Variants in ECT2 observed in about 807,000 individuals in gnomAD.
The protein encoded by ECT2 is protein ECT2.
Under a neutral mutation model 116.9 loss-of-function variants are expected in ECT2, and 61 were observed. That is an observed-to-expected ratio of 0.52 (90% CI 0.42 to 0.65). ECT2 has a LOEUF of 0.65. ECT2 is among the 30% of genes least tolerant of loss of function. The probability of loss-of-function intolerance (pLI) is 0.00; values close to 1 mark genes in which losing one functional copy is unlikely to be tolerated. For synonymous variants in ECT2, 358 were observed against 346.4 expected, an observed-to-expected ratio of 1.03 and a Z score of -0.37; for missense variants, 937 against 1,078.7, an observed-to-expected ratio of 0.87 and a Z score of 1.84.
intron 18 of ECT2, among the ~76,000 whole-genome samples, chr3:172,797,682 C>G (rs906532923): frequency 3.3e-5 from 5 of 152,120 alleles, no homozygotes; most frequent in Admixed American, 3.3e-4. Flanking sequence ...AAGGAACAAT[C>G]GTACTGCAGA....
chr3:172,783,642 T>G (rs1002268817), intron 15 of ECT2, among the ~76,000 whole-genome samples, 157 bp from the exon 16 acceptor site: 7 of 152,168 alleles, frequency 4.6e-5, no homozygotes, highest in Non-Finnish European at 7.4e-5. Context: ...TACTGAGAAA[T>G]TTATAAAATA....
Position 172,817,187 on chromosome 3 carries a change from A to C in ECT2, c.2655+350A>C, listed in dbSNP as rs75052594. 9.6e-3 allele frequency among the ~76,000 whole-genome samples: 1,460 copies of C among 152,246 alleles called. 8 individuals carry two copies. The highest frequency in any genetic ancestry group is 0.019 in the Admixed American group (294 of 15,272). ...TGTACACTAGCACTGAAGAATCAGC[A>C]TGGAAAGCATGATGCTAGGGGAGAG... On this transcript the variant is annotated intron_variant, in intron 24 of 24. Coordinates refer to ENST00000392692, the MANE Select transcript of ECT2 (RefSeq NM_001258315.2).
chr3:172,755,221 C>T, intron 2 of ECT2, 74 bp from the exon 3 acceptor site: 1 of 1,171,282 alleles, frequency 8.5e-7, no homozygotes, highest in Non-Finnish European at 1.2e-6. Flanking sequence ...TAGATATAGC[C>T]AAAAGAGCGA....
rs371634661 is a variant in ECT2, at chr3:172,781,474, T to C, written c.1549-689T>C. 3.5e-4 allele frequency among the ~76,000 whole-genome samples: 54 copies of C among 152,322 alleles called. No homozygotes were observed. The South Asian group carries it at 0.011, about 32-fold the overall frequency. ...TGTTGAAACTTTAGAGAGTCTTTAGTATAAGAGCTTGTTGATTGATGTCTA... is the reference window on the plus strand; with the variant it reads ...TGTTGAAACTTTAGAGAGTCTTTAGCATAAGAGCTTGTTGATTGATGTCTA... On this transcript the variant is annotated intron_variant, in intron 14 of 24. Transcript: ENST00000392692.
At chr3:172,820,066 T>C (rs1463592241) in intron 24 of ECT2, 82 bp from the exon 25 acceptor site, 7 of 925,394 alleles carry the variant, frequency 7.6e-6, no homozygotes, top group Middle Eastern at 4.5e-4. Flanking sequence ...AATGTAAAAA[T>C]AATAGGCATG....
chr3:172,823,494 C>A (rs1001808149), downstream of ECT2, among the ~76,000 whole-genome samples: 1 of 152,094 alleles, frequency 6.6e-6, no homozygotes, highest in Non-Finnish European at 1.5e-5. Context: ...TGTACTCTTA[C>A]GTATGTCTGT....
At chr3:172,763,319 C>T (rs538871455) in intron 11 of ECT2, among the ~76,000 whole-genome samples, 3 of 152,272 alleles carry the variant, frequency 2.0e-5, no homozygotes, top group South Asian at 2.1e-4. Context: ...TAGGTAGCCT[C>T]GCTCTGAGAG....
chr3:172,754,786 G>A (rs1390677228), intron 2 of ECT2, 126 bp downstream of exon 2: 1 of 697,800 alleles, frequency 1.4e-6, no homozygotes, highest in Non-Finnish European at 2.3e-6. Flanking sequence ...GTAAATATTT[G>A]TTTACAGAAT....
At chr3:172,796,603 T>C (rs1297314429) in intron 18 of ECT2, 2 of 152,220 alleles carry the variant, frequency 1.3e-5, no homozygotes, top group Non-Finnish European at 2.9e-5. Context: ...CTTCCTGATA[T>C]CTGTTTAATT....
chr3:172,823,854 ATAT>A (rs1443371478), downstream of ECT2, among the ~76,000 whole-genome samples: 2 of 151,768 alleles, frequency 1.3e-5, no homozygotes, highest in African/African-American at 4.8e-5. Flanking sequence ...TGGATACATA[ATAT>A]TTGTATTATG....
At chr3:172,765,504 T>A (rs989304946) in intron 12 of ECT2, among the ~76,000 whole-genome samples, 5 of 152,188 alleles carry the variant, frequency 3.3e-5, no homozygotes, top group African/African-American at 1.2e-4. Context: ...AAACCTAAGA[T>A]AACCAAATTA....
intron 17 of ECT2, 150 bp from the exon 18 acceptor site, chr3:172,786,343 C>A: frequency 1.9e-6 from 1 of 537,076 alleles, no homozygotes. Context: ...AATAAGAGAG[C>A]TTTTTAGGGA....
At chr3:172,759,116 A>G (rs772731081) in intron 6 of ECT2, 47 bp downstream of exon 6, 1 of 1,370,214 alleles carries the variant, frequency 7.3e-7, no homozygotes, top group Non-Finnish European at 1.0e-6. Flanking sequence ...ACAGCAAAAT[A>G]AATTAAAATT....
intron 18 of ECT2, among the ~76,000 whole-genome samples, chr3:172,793,312 G>A (rs1415226239): frequency 6.7e-6 from 1 of 149,262 alleles, no homozygotes; most frequent in Non-Finnish European, 1.5e-5. Context: ...TTACAGGCAC[G>A]TGCCACCACT....
chr3:172,781,180 C>G (rs1722633390), intron 14 of ECT2, among the ~76,000 whole-genome samples: 1 of 152,112 alleles, frequency 6.6e-6, no homozygotes, highest in South Asian at 2.1e-4. Flanking sequence ...ACACAAGTAA[C>G]ATTCTTTAAG....
At chr3:172,797,650 A>G (rs1443853753) in intron 18 of ECT2, among the ~76,000 whole-genome samples, 1 of 152,184 alleles carries the variant, frequency 6.6e-6, no homozygotes, top group East Asian at 1.9e-4. Flanking sequence ...CTTCCAGGTT[A>G]TCTAAATGAG....
In ECT2 at chr3:172,788,833, G is replaced by T. The variant is rs191245229; in HGVS notation, c.1907+2259G>T. 1.2e-4 allele frequency among the ~76,000 whole-genome samples: 19 copies of T among 152,288 alleles called. No homozygotes were observed. In the East Asian group the frequency reaches 3.7e-3, roughly 29 times the overall value. On this transcript the variant is annotated intron_variant, in intron 18 of 24. Coordinates refer to ENST00000392692, the MANE Select transcript of ECT2 (RefSeq NM_001258315.2). Reference sequence around the variant, plus strand: ...CCAACACTTTGGGAGGCTGAGGCGGGTGGATCACGAGGTCAGGAGTTCGAG... The same window carrying T: ...CCAACACTTTGGGAGGCTGAGGCGGTTGGATCACGAGGTCAGGAGTTCGAG...
At chr3:172,789,589 T>C (rs1200263575) in intron 18 of ECT2, among the ~76,000 whole-genome samples, 3 of 152,190 alleles carry the variant, frequency 2.0e-5, no homozygotes, top group South Asian at 2.1e-4. Context: ...TAGCATGCGA[T>C]GCTGTTGGAT....
At chr3:172,777,581 A>G (rs938286214) in intron 14 of ECT2, among the ~76,000 whole-genome samples, 23 of 152,124 alleles carry the variant, frequency 1.5e-4, no homozygotes, top group African/African-American at 5.6e-4. Context: ...TCAAGATTAA[A>G]CATCATTAAT....
Sources: gnomAD v4.1 joint callset for allele counts (sites outside exome capture counted in the v4.1 genomes callset) on GRCh38, gnomAD v4.1.1 for gene constraint, MANE v1.5 for transcripts, NCBI Gene and HGNC (gene_info 2026-07-23, HGNC 2026-07-21) for gene names.